Variants in CISTR observed in about 807,000 individuals in gnomAD.
The protein encoded by CISTR is chondrogenic regulator lncRNA.
At chr12:53,753,900 A>G (rs990307077) in intron 1 of CISTR, among the ~76,000 whole-genome samples, 2 of 152,134 alleles carry the variant, frequency 1.3e-5, no homozygotes, top group Admixed American at 1.3e-4. Context: ...TTGTAGCTCT[A>G]CCGTGACCCT....
intron 2 of CISTR, among the ~76,000 whole-genome samples, chr12:53,749,975 T>C (rs1937828343): frequency 6.6e-6 from 1 of 152,060 alleles, no homozygotes; most frequent in East Asian, 1.9e-4. Flanking sequence ...TGAGGGCCAG[T>C]TTCATTTTTC....
intron 2 of CISTR, among the ~76,000 whole-genome samples, chr12:53,747,761 G>T (rs1163983054): frequency 2.6e-5 from 4 of 152,130 alleles, no homozygotes; most frequent in Admixed American, 6.5e-5. Flanking sequence ...CAGGTGCTAT[G>T]AGGGGATAAA....
rs561251447 is a variant in CISTR at position 53,756,989 on chromosome 12, A to G, written n.239T>C. ...GGCCCTTGGAAACTATTAGCCCAAC[A>G]TCTCTTCTTCCCCTCTCCACAGTCA... On this transcript the variant is annotated non_coding_transcript_exon_variant, in exon 1 of 3. Transcript: ENST00000669269. The surrounding 1 kb of genome is among the most constrained non-coding windows in gnomAD (Gnocchi z 4.0). The G allele has an allele frequency of 2.0e-5, 3 of 151,992 alleles. No homozygotes were observed. In the East Asian group the frequency reaches 5.9e-4, roughly 30 times the overall value. The allele number at this position is 151,992 out of a possible 1,614,324, so 9.4% of individuals were successfully genotyped here.
At chr12:53,750,240 G>C (rs2120733576) in intron 2 of CISTR, among the ~76,000 whole-genome samples, 1 of 152,340 alleles carries the variant, frequency 6.6e-6, no homozygotes, top group South Asian at 2.1e-4. Flanking sequence ...AAGGCTGCTA[G>C]GAGTGGGGGA....
chr12:53,752,030 C>T (rs972216410), intron 1 of CISTR, among the ~76,000 whole-genome samples: 4 of 152,066 alleles, frequency 2.6e-5, no homozygotes, highest in Non-Finnish European at 4.4e-5. Context: ...CTTTCTCCGC[C>T]CCGCACCGCC....
intron 2 of CISTR, among the ~76,000 whole-genome samples, chr12:53,747,796 T>TC (rs1316212009): frequency 4.6e-5 from 7 of 152,086 alleles, no homozygotes; most frequent in Non-Finnish European, 1.0e-4. Context: ...TATTTCCTGC[T>TC]CCCCTTCCTG....
rs1434002401 is a variant in CISTR, at chr12:53,756,855, T to C, written n.373A>G. ...TCCGGGTCCTGAAATGTTCACTCTT[T>C]GGTAGGTCCTGTGGAAGAGCGCAGG... On this transcript the variant is annotated non_coding_transcript_exon_variant, in exon 1 of 3. Coordinates refer to ENST00000669269, the Ensembl canonical transcript of CISTR. The surrounding 1 kb of genome is among the most constrained non-coding windows in gnomAD (Gnocchi z 4.0). The C allele has an allele frequency of 6.6e-6, 1 of 152,374 alleles. No individual in the cohort carries two copies. The highest frequency in any genetic ancestry group is 1.5e-5 in the Non-Finnish European group (1 of 68,050). The allele number at this position is 152,374 out of a possible 1,614,324, so 9.4% of individuals were successfully genotyped here. A position where few individuals can be genotyped will look rare whatever the true frequency, so the allele number is the denominator to read the frequency against.
At chr12:53,753,903 G>A (rs370476726) in intron 1 of CISTR, among the ~76,000 whole-genome samples, 12 of 152,276 alleles carry the variant, frequency 7.9e-5, no homozygotes, top group African/African-American at 2.9e-4. Context: ...TAGCTCTACC[G>A]TGACCCTGGG....
chr12:53,752,159 T>TGCC (rs1233643954), intron 1 of CISTR, among the ~76,000 whole-genome samples: 20 of 152,034 alleles, frequency 1.3e-4, no homozygotes, highest in East Asian at 5.8e-4. Flanking sequence ...CTCTGCCCGC[T>TGCC]GCCGCCGCCG....
chr12:53,752,447 G>C (rs1937865117), intron 1 of CISTR, among the ~76,000 whole-genome samples: 1 of 152,186 alleles, frequency 6.6e-6, no homozygotes, highest in African/African-American at 2.4e-5. Flanking sequence ...TCCCAGCCCT[G>C]GGCCTCACCA....
chr12:53,748,586 GACTCAC>G (rs985518192), intron 2 of CISTR, among the ~76,000 whole-genome samples: 1 of 152,136 alleles, frequency 6.6e-6, no homozygotes, highest in African/African-American at 2.4e-5. Context: ...AAAGATCGAA[GACTCAC>G]ACAAGGCCAG....
intron 1 of CISTR, among the ~76,000 whole-genome samples, chr12:53,753,728 G>T (rs1262644310): frequency 8.4e-6 from 1 of 118,924 alleles, no homozygotes; most frequent in Non-Finnish European, 1.8e-5. Context: ...GTGTGTTGGG[G>T]CATATGTACT....
At chr12:53,755,601 CA>C in intron 1 of CISTR, among the ~76,000 whole-genome samples, 1 of 100,800 alleles carries the variant, frequency 9.9e-6, no homozygotes, top group East Asian at 3.5e-4. Flanking sequence ...GCTTTAATTA[CA>C]GTAAGCCCTG....
intron 1 of CISTR, among the ~76,000 whole-genome samples, chr12:53,753,005 C>T (rs1937873959): frequency 6.6e-6 from 1 of 151,748 alleles, no homozygotes; most frequent in South Asian, 2.1e-4. Flanking sequence ...AGGCAGGAAC[C>T]AGACTCCTAG....
At chr12:53,749,930 A>G (rs1367763555) in intron 2 of CISTR, among the ~76,000 whole-genome samples, 3 of 152,156 alleles carry the variant, frequency 2.0e-5, no homozygotes, top group Non-Finnish European at 2.9e-5. Flanking sequence ...GGAACCTTGC[A>G]AGATATGACA....
intron 1 of CISTR, among the ~76,000 whole-genome samples, chr12:53,753,080 A>ACG: frequency 1.6e-5 from 2 of 124,050 alleles, no homozygotes; most frequent in East Asian, 4.0e-4. Flanking sequence ...ACACACACAC[A>ACG]CACACACACA....
chr12:53,753,918 G>GATGTTCTTGAAGACACC (rs1419000313), intron 1 of CISTR, among the ~76,000 whole-genome samples: 1 of 152,014 alleles, frequency 6.6e-6, no homozygotes, highest in Non-Finnish European at 1.5e-5. Flanking sequence ...CCTGGGCTGG[G>GATGTTCTTGAAGACACC]TAGGCAAGAA....
chr12:53,755,105 C>CT (rs1421561438), intron 1 of CISTR, among the ~76,000 whole-genome samples: 3 of 152,166 alleles, frequency 2.0e-5, no homozygotes, highest in African/African-American at 7.2e-5. Context: ...TAACCACATG[C>CT]TATGTGATCC....
chr12:53,749,668 G>C (rs1239372190), intron 2 of CISTR, among the ~76,000 whole-genome samples: 2 of 151,998 alleles, frequency 1.3e-5, no homozygotes, highest in African/African-American at 4.8e-5. Flanking sequence ...GTCATTCCTG[G>C]CAATTTCTCT....
Sources: gnomAD v4.1 joint callset for allele counts (sites outside exome capture counted in the v4.1 genomes callset) on GRCh38, gnomAD v4.1.1 for gene constraint, Gnocchi (gnomAD v3.1) non-coding constraint, MANE v1.5 for transcripts, NCBI Gene and HGNC (gene_info 2026-07-23, HGNC 2026-07-21) for gene names.